ARHGAP32: variants seen among roughly 807,000 people sequenced by gnomAD.
ARHGAP32 encodes rho GTPase-activating protein 32.
In ARHGAP32, 51 loss-of-function variants were observed where a neutral mutation model predicts 186.5. That is an observed-to-expected ratio of 0.27 (90% CI 0.22 to 0.35). The LOEUF (loss-of-function observed/expected upper bound fraction) is 0.35. Among genes scored for constraint, ARHGAP32 ranks in the 10% least tolerant of loss-of-function variants. The probability of loss-of-function intolerance (pLI) is 1.00; values close to 1 mark genes in which losing one functional copy is unlikely to be tolerated. For missense variants in ARHGAP32, 2,186 were observed against 2,623.5 expected (o/e 0.83, Z 3.64); for synonymous variants, 950 against 964.3 (o/e 0.99, Z 0.27).
chr11:129,019,856 T>A (rs539392854), intron 11 of ARHGAP32, among the ~76,000 whole-genome samples: 1 of 152,228 alleles, frequency 6.6e-6, no homozygotes, highest in African/African-American at 2.4e-5. Context: ...CATGACATCA[T>A]TGGCTAAGGT....
chr11:129,212,790 T>C lies in ARHGAP32; in HGVS notation c.-4-48363A>G, dbSNP rs146677276. 1.0e-3 allele frequency among the ~76,000 whole-genome samples: 155 copies of C among 152,316 alleles called. 2 individuals are homozygous for C. The highest frequency in any genetic ancestry group is 3.6e-3 in the African/African-American group (148 of 41,586). On this transcript the variant is annotated intron_variant, in intron 1 of 6. Coordinates refer to the ARHGAP32 transcript ENST00000525234. ...TCCAATTTGATCATTAAACATTGTA[T>C]GCATGTATCAAAATATCACATGTAC...
chr11:129,270,308 A>G lies in ARHGAP32; in HGVS notation c.-5+8838T>C, dbSNP rs180900798. ...TGATTCTAACTATATGACATTCTGG[A>G]AAAGGCAAAAGTATGGAAACAGTAA... is the stretch of plus-strand genomic sequence containing the variant. On this transcript the variant is annotated intron_variant, in intron 1 of 6. Coordinates refer to the ARHGAP32 transcript ENST00000525234. 7.2e-4 allele frequency among the ~76,000 whole-genome samples: 110 copies of G among 152,328 alleles called. 1 individual carries two copies. Among genetic ancestry groups the G allele is most frequent in the Non-Finnish European group, 1.2e-3 (79 of 68,036 alleles).
chr11:128,982,025 A>C (rs1321120323), intron 15 of ARHGAP32, 89 bp from the exon 16 acceptor site: 6 of 807,420 alleles, frequency 7.4e-6, no homozygotes, highest in Non-Finnish European at 9.5e-6. Context: ...CTAAGTTTGC[A>C]ATAGCAAAAT....
intron 5 of ARHGAP32, among the ~76,000 whole-genome samples, chr11:129,097,370 T>C (rs537733050): frequency 6.6e-6 from 1 of 152,252 alleles, no homozygotes; most frequent in South Asian, 2.1e-4. Context: ...GTAGGTTTAC[T>C]AGACAAACAA....
Position 129,028,719 on chromosome 11 carries a change from A to G in ARHGAP32, c.1045+12209T>C, listed in dbSNP as rs184152242. Reference sequence around the variant, plus strand: ...GAATATGTGAAATAACTGCTATTAAATTTGCACTAGTGGACTAGTGGTGGA... The same window carrying G: ...GAATATGTGAAATAACTGCTATTAAGTTTGCACTAGTGGACTAGTGGTGGA... On this transcript the variant is annotated intron_variant, in intron 11 of 22. Transcript: ENST00000682385. Among the ~76,000 whole-genome samples the G allele has an allele frequency of 1.1e-4, 17 of 152,344 alleles. No individual in the cohort carries two copies. The East Asian group carries it at 3.3e-3, about 29-fold the overall frequency.
At chr11:129,014,823 T>C (rs931333677) in intron 11 of ARHGAP32, among the ~76,000 whole-genome samples, 4 of 152,208 alleles carry the variant, frequency 2.6e-5, no homozygotes, top group African/African-American at 9.6e-5. Flanking sequence ...AGAATACAAA[T>C]ACAGGCAACT....
At chr11:129,168,658 A>G (rs1027203926) in intron 1 of ARHGAP32, among the ~76,000 whole-genome samples, 6 of 152,338 alleles carry the variant, frequency 3.9e-5, no homozygotes, top group African/African-American at 9.6e-5. Flanking sequence ...CAATTTTCCA[A>G]TGTGAACTAA....
intron 11 of ARHGAP32, among the ~76,000 whole-genome samples, chr11:129,013,115 T>C (rs1938165549): frequency 1.3e-5 from 2 of 152,192 alleles, no homozygotes; most frequent in South Asian, 4.1e-4. Flanking sequence ...TCATGTTTAT[T>C]TTTCCTAAAT....
rs1324343278 is a variant in ARHGAP32, at chr11:128,981,427, T to C, written c.1769A>G (p.Gln590Arg). Reference protein sequence around the residue: ...LFSGRISMAMQEGAASLSRPK... With the variant: ...LFSGRISMAMREGAASLSRPK... ...CATCGGAGCCGTACCTGCCCCCTCT[T>C]GCATGGCCATGCTGATTCTGCCGCT... The change falls in exon 17 of 23, where the codon CAA (glutamine) becomes CGA (arginine). Residue 590 changes from glutamine to arginine, a missense_variant. Gln to Arg is a conservative substitution (Grantham distance 43, BLOSUM62 1). Coordinates refer to ENST00000682385, the MANE Select transcript of ARHGAP32 (RefSeq NM_001378024.1). The C allele has an allele frequency of 6.2e-7, 1 of 1,604,782 alleles. No individual in the cohort carries two copies. Among genetic ancestry groups the C allele is most frequent in the Non-Finnish European group, 8.5e-7 (1 of 1,173,560 alleles).
intron 1 of ARHGAP32, among the ~76,000 whole-genome samples, chr11:129,244,489 C>A (rs1017631635): frequency 6.6e-6 from 1 of 151,960 alleles, no homozygotes; most frequent in Non-Finnish European, 1.5e-5. Flanking sequence ...CAATAATGTA[C>A]GAAGGTAGAA....
intron 1 of ARHGAP32, among the ~76,000 whole-genome samples, chr11:129,213,939 T>C (rs1281774363): frequency 6.6e-6 from 1 of 152,084 alleles, no homozygotes; most frequent in East Asian, 1.9e-4. Context: ...TAAGAATGTT[T>C]GTTTTGTTTT....
intron 11 of ARHGAP32, among the ~76,000 whole-genome samples, chr11:129,021,216 A>T (rs1352655617): frequency 6.6e-6 from 1 of 150,392 alleles, no homozygotes; most frequent in Non-Finnish European, 1.5e-5. Context: ...ACATTAAGGG[A>T]TCTAGAAAAT....
chr11:129,185,796 T>G (rs1944148268), intron 1 of ARHGAP32, among the ~76,000 whole-genome samples: 1 of 151,834 alleles, frequency 6.6e-6, no homozygotes, highest in South Asian at 2.1e-4. Context: ...GAGAGAACCA[T>G]GATTTAAAAC....
chr11:129,033,104 A>C (rs529780385), intron 11 of ARHGAP32, among the ~76,000 whole-genome samples: 60 of 152,354 alleles, frequency 3.9e-4, no homozygotes, highest in African/African-American at 1.3e-3. Flanking sequence ...TGTTGTTGCA[A>C]ACAGTTTTAA....
At chr11:129,053,975 T>A (rs1479520213) in intron 10 of ARHGAP32, among the ~76,000 whole-genome samples, 1 of 152,068 alleles carries the variant, frequency 6.6e-6, no homozygotes, top group Non-Finnish European at 1.5e-5. Flanking sequence ...TAAGCTACTA[T>A]ACAAGATAAG....
At chr11:129,057,820 G>A (rs2135116038) in intron 10 of ARHGAP32, among the ~76,000 whole-genome samples, 1 of 152,068 alleles carries the variant, frequency 6.6e-6, no homozygotes, top group Middle Eastern at 3.4e-3. Flanking sequence ...TAGGTTAAAT[G>A]AGGTGGCCCC....
intron 1 of ARHGAP32, among the ~76,000 whole-genome samples, chr11:129,261,611 G>A (rs1945321423): frequency 6.6e-6 from 1 of 152,124 alleles, no homozygotes; most frequent in African/African-American, 2.4e-5. Context: ...TAAAAACCAA[G>A]CATTTTTTGT....
chr11:129,043,535 C>T (rs764899333), intron 10 of ARHGAP32, among the ~76,000 whole-genome samples: 10 of 151,736 alleles, frequency 6.6e-5, no homozygotes, highest in South Asian at 2.1e-4. Context: ...TATACGCGTG[C>T]GCCACCATGC....
At chr11:129,084,333 A>G (rs1301115382) in intron 6 of ARHGAP32, among the ~76,000 whole-genome samples, 1 of 151,134 alleles carries the variant, frequency 6.6e-6, no homozygotes, top group East Asian at 1.9e-4. Flanking sequence ...AGACAAAGAC[A>G]TTCTAAGAAA....
Sources: allele counts gnomAD v4.1 joint callset (sites outside exome capture counted in the v4.1 genomes callset), GRCh38; gene constraint gnomAD v4.1.1; transcripts MANE v1.5; gene names NCBI Gene and HGNC (gene_info 2026-07-23, HGNC 2026-07-21).